The following RABGAP1L variants were observed in gnomAD, a reference collection of about 807,000 sequenced individuals.
RABGAP1L encodes the protein RAB GTPase activating protein 1 like.
RABGAP1L carries 63 observed loss-of-function variants against 137.7 expected under a neutral mutation model. The observed-to-expected ratio is 0.46, with a 90% confidence interval of 0.37 to 0.56. RABGAP1L has a LOEUF of 0.56. Ranked by LOEUF, RABGAP1L falls within the 20% of genes least tolerant of loss-of-function variation. The pLI is 0.00. For missense variants in RABGAP1L, 1,095 were observed against 1,244.0 expected (o/e 0.88, Z 1.80); for synonymous variants, 431 against 433.7 (o/e 0.99, Z 0.08).
At chr1:174,270,935 T>A (rs1674510784) in intron 7 of RABGAP1L, among the ~76,000 whole-genome samples, 1 of 152,146 alleles carries the variant, frequency 6.6e-6, no homozygotes, top group Non-Finnish European at 1.5e-5. Flanking sequence ...CAAATTTTAT[T>A]TCTAAAAAAG....
At chr1:174,194,391 C>T (rs1017736964) in intron 1 of RABGAP1L, among the ~76,000 whole-genome samples, 1 of 152,006 alleles carries the variant, frequency 6.6e-6, no homozygotes, top group Non-Finnish European at 1.5e-5. Context: ...TGCACCACCA[C>T]GCCCAGCTAA....
chr1:174,492,915 A>G (rs1406156744), intron 13 of RABGAP1L, among the ~76,000 whole-genome samples: 1 of 151,662 alleles, frequency 6.6e-6, no homozygotes, highest in Non-Finnish European at 1.5e-5. Flanking sequence ...TTGTTTCCAT[A>G]GCACCTTGTA....
At chr1:174,843,323 C>T (rs1693641549) in intron 19 of RABGAP1L, among the ~76,000 whole-genome samples, 1 of 150,614 alleles carries the variant, frequency 6.6e-6, no homozygotes, top group Non-Finnish European at 1.5e-5. Flanking sequence ...GTGTGCTGCA[C>T]CCACTAACTC....
intron 18 of RABGAP1L, among the ~76,000 whole-genome samples, chr1:174,764,097 A>G (rs778804372): frequency 3.3e-5 from 5 of 152,116 alleles, no homozygotes; most frequent in Non-Finnish European, 7.4e-5. Flanking sequence ...TTTCCTTAGC[A>G]TAATGTTTTC....
chr1:174,376,474 T>A (rs770136797), intron 12 of RABGAP1L, among the ~76,000 whole-genome samples: 9 of 152,120 alleles, frequency 5.9e-5, no homozygotes, highest in Non-Finnish European at 1.0e-4. Flanking sequence ...AATATATAAA[T>A]TTGAAAGGAT....
chr1:174,241,787 TGTAA>T (rs1671848804), intron 5 of RABGAP1L, 130 bp downstream of exon 5: 1 of 832,408 alleles, frequency 1.2e-6, no homozygotes, highest in Non-Finnish European at 1.8e-6. Context: ...AATTAATATT[TGTAA>T]TGACATAGAA....
At chr1:174,450,974 T>A (rs768032132) in intron 13 of RABGAP1L, among the ~76,000 whole-genome samples, 1 of 152,182 alleles carries the variant, frequency 6.6e-6, no homozygotes, top group Non-Finnish European at 1.5e-5. Context: ...TGAACCCCTG[T>A]ATATTTTTAA....
chr1:174,238,832 C>G (rs1671483999), intron 4 of RABGAP1L: 1 of 152,364 alleles, frequency 6.6e-6, no homozygotes, highest in Admixed American at 6.6e-5. Context: ...TTTACCTAAG[C>G]AAGCCTGGGC....
At chr1:174,754,861 G>A (rs1292580812) in intron 18 of RABGAP1L, among the ~76,000 whole-genome samples, 1 of 152,134 alleles carries the variant, frequency 6.6e-6, no homozygotes, top group East Asian at 1.9e-4. Context: ...AGAGACTTCA[G>A]ATTTCTCTGT....
chr1:174,633,654 CA>C (rs1449967336), intron 13 of RABGAP1L, among the ~76,000 whole-genome samples: 15 of 115,014 alleles, frequency 1.3e-4, no homozygotes, highest in Non-Finnish European at 1.2e-4. Flanking sequence ...CTACAGTAAC[CA>C]AAACAGCATG....
At chr1:174,736,087 A>G (rs944902562) in intron 17 of RABGAP1L, among the ~76,000 whole-genome samples, 7 of 152,154 alleles carry the variant, frequency 4.6e-5, no homozygotes, top group African/African-American at 1.7e-4. Flanking sequence ...GCCCTTCTCA[A>G]TAGTTGCCTC....
At chr1:174,806,069 T>G (rs1280175958) in intron 18 of RABGAP1L, among the ~76,000 whole-genome samples, 2 of 152,208 alleles carry the variant, frequency 1.3e-5, no homozygotes, top group African/African-American at 4.8e-5. Context: ...CTGAAGGGAT[T>G]TTGTTCAGTG....
chr1:174,187,686 T>C (rs566854838), intron 1 of RABGAP1L, among the ~76,000 whole-genome samples: 20 of 152,316 alleles, frequency 1.3e-4, no homozygotes, highest in African/African-American at 4.1e-4. Flanking sequence ...CAATGTTGCT[T>C]ATCTTTTTAA....
intron 24 of RABGAP1L, among the ~76,000 whole-genome samples, chr1:174,985,803 T>C (rs927792354): frequency 5.3e-5 from 8 of 152,176 alleles, no homozygotes; most frequent in African/African-American, 1.9e-4. Context: ...GTTGATTATT[T>C]TACATAAAAG....
intron 19 of RABGAP1L, among the ~76,000 whole-genome samples, chr1:174,919,246 G>A (rs913152504): frequency 2.6e-5 from 4 of 152,036 alleles, no homozygotes; most frequent in African/African-American, 4.8e-5. Flanking sequence ...TCGAACTCCC[G>A]ACCTCAGGCG....
intron 19 of RABGAP1L, among the ~76,000 whole-genome samples, chr1:174,922,796 G>T (rs535175306): frequency 6.6e-6 from 1 of 152,256 alleles, no homozygotes; most frequent in African/African-American, 2.4e-5. Context: ...AATCCCTTCT[G>T]TGCCAACTAC....
At chr1:174,355,996 G>C (rs1287885109) in intron 11 of RABGAP1L, among the ~76,000 whole-genome samples, 4 of 152,126 alleles carry the variant, frequency 2.6e-5, no homozygotes. Context: ...TGTAGAACAA[G>C]TATAGTATTC....
At chr1:174,824,298 T>A (rs555567677) in intron 19 of RABGAP1L, among the ~76,000 whole-genome samples, 226 of 151,584 alleles carry the variant, frequency 1.5e-3, no homozygotes, top group African/African-American at 5.3e-3. Flanking sequence ...TCAAAAAAAA[T>A]ATATAGATAT....
At chr1:174,809,370 A>G (rs545561627) in intron 18 of RABGAP1L, among the ~76,000 whole-genome samples, 1 of 152,306 alleles carries the variant, frequency 6.6e-6, no homozygotes, top group Non-Finnish European at 1.5e-5. Context: ...CCCTGAGGCT[A>G]TTAGCCTCTC....
Sources: gnomAD v4.1 joint callset for allele counts (sites outside exome capture counted in the v4.1 genomes callset) on GRCh38, gnomAD v4.1.1 for gene constraint, MANE v1.5 for transcripts, NCBI Gene and HGNC (gene_info 2026-07-23, HGNC 2026-07-21) for gene names.